Variants in CNTNAP2 observed in about 807,000 individuals in gnomAD.
CNTNAP2 encodes the protein contactin associated protein 2.
Under a neutral mutation model 155.2 loss-of-function variants are expected in CNTNAP2, and 98 were observed. That is an observed-to-expected ratio of 0.63 (90% CI 0.54 to 0.75). The LOEUF (loss-of-function observed/expected upper bound fraction) is 0.75, where lower values mean the gene tolerates loss of function less well. CNTNAP2 is among the 30% of genes least tolerant of loss of function. The pLI is 0.00. For synonymous variants in CNTNAP2, 651 were observed against 631.2 expected, an observed-to-expected ratio of 1.03 and a Z score of -0.47; for missense variants, 1,727 against 1,688.1, an observed-to-expected ratio of 1.02 and a Z score of -0.40.
At chr7:146,520,694 C>T (rs897567401) in intron 1 of CNTNAP2, among the ~76,000 whole-genome samples, 2 of 151,744 alleles carry the variant, frequency 1.3e-5, no homozygotes, top group African/African-American at 4.8e-5. Flanking sequence ...AGATATAGTA[C>T]ATTACAAAAA....
Position 147,003,535 on chromosome 7 carries a change from G to A in CNTNAP2, c.403-40372G>A, listed in dbSNP as rs563473744. On this transcript the variant is annotated intron_variant, in intron 3 of 23. Transcript: ENST00000361727. ...AATGGGGAATAGAGGAAATAACAAC[G>A]TAAGAGTTAAAATCTCAACTAAAAT... Among the ~76,000 whole-genome samples, 7 of 151,708 alleles carry A rather than the reference G, an allele frequency of 4.6e-5. No homozygotes were observed. The South Asian group carries it at 1.5e-3, about 32-fold the overall frequency.
At chr7:147,957,118 A>C (rs565008523) in intron 14 of CNTNAP2, among the ~76,000 whole-genome samples, 14 of 152,322 alleles carry the variant, frequency 9.2e-5, no homozygotes, top group African/African-American at 3.4e-4. Flanking sequence ...GAGACAGGGG[A>C]AAAAGTCTGT....
At chr7:146,188,394 G>A (rs1175893805) in intron 1 of CNTNAP2, among the ~76,000 whole-genome samples, 1 of 152,178 alleles carries the variant, frequency 6.6e-6, no homozygotes, top group African/African-American at 2.4e-5. Context: ...TTACTTTTCA[G>A]ATGGAGAAAC....
At chr7:146,780,895 G>A (rs574083085) in intron 2 of CNTNAP2, among the ~76,000 whole-genome samples, 10 of 152,034 alleles carry the variant, frequency 6.6e-5, no homozygotes, top group African/African-American at 2.4e-4. Flanking sequence ...AGGAGAAGGA[G>A]AGCATTAGGA....
At chr7:147,926,674 T>C (rs142414879) in intron 14 of CNTNAP2, among the ~76,000 whole-genome samples, 1 of 152,268 alleles carries the variant, frequency 6.6e-6, no homozygotes, top group East Asian at 1.9e-4. Flanking sequence ...TGAACCAAAG[T>C]TTATCTTATA....
At chr7:147,875,096 C>T (rs905856932) in intron 13 of CNTNAP2, among the ~76,000 whole-genome samples, 1 of 152,192 alleles carries the variant, frequency 6.6e-6, no homozygotes, top group African/African-American at 2.4e-5. Context: ...CCAAACTGTT[C>T]CAACCTCTGC....
intron 1 of CNTNAP2, among the ~76,000 whole-genome samples, chr7:146,534,701 A>C (rs373945003): frequency 6.6e-6 from 1 of 151,844 alleles, no homozygotes; most frequent in Non-Finnish European, 1.5e-5. Flanking sequence ...TTTCAGTCCT[A>C]CTCTTAACTT....
chr7:146,311,346 T>C (rs1053765589), intron 1 of CNTNAP2, among the ~76,000 whole-genome samples: 1 of 152,254 alleles, frequency 6.6e-6, no homozygotes, highest in South Asian at 2.1e-4. Context: ...AACAAGTGAC[T>C]TGTTCATTTC....
At chr7:147,810,072 T>C (rs1798156150) in intron 13 of CNTNAP2, among the ~76,000 whole-genome samples, 1 of 152,214 alleles carries the variant, frequency 6.6e-6, no homozygotes, top group East Asian at 1.9e-4. Context: ...TAAACGTGGA[T>C]GTTGGAAAGT....
intron 17 of CNTNAP2, among the ~76,000 whole-genome samples, chr7:148,165,538 T>A (rs192470630): frequency 6.6e-6 from 1 of 152,274 alleles, no homozygotes; most frequent in East Asian, 1.9e-4. Flanking sequence ...ATAGCAATAA[T>A]CGTAACAGCT....
At chr7:146,148,949 A>T (rs554238837) in intron 1 of CNTNAP2, among the ~76,000 whole-genome samples, 1 of 148,908 alleles carries the variant, frequency 6.7e-6, no homozygotes, top group Admixed American at 6.7e-5. Flanking sequence ...TACTCCATAT[A>T]TGTCAAAGAC....
chr7:146,740,321 A>G (rs1332397457), intron 1 of CNTNAP2, among the ~76,000 whole-genome samples: 3 of 147,964 alleles, frequency 2.0e-5, no homozygotes, highest in Admixed American at 2.0e-4. Flanking sequence ...CCTCTAATGA[A>G]TTTCTCATTT....
chr7:146,900,192 T>A (rs1269521976), intron 3 of CNTNAP2, among the ~76,000 whole-genome samples: 1 of 152,238 alleles, frequency 6.6e-6, no homozygotes, highest in Non-Finnish European at 1.5e-5. Context: ...AGGAGCTTCC[T>A]GGCCATCGGG....
chr7:146,277,451 T>C (rs1383970795), intron 1 of CNTNAP2, among the ~76,000 whole-genome samples: 1 of 152,028 alleles, frequency 6.6e-6, no homozygotes, highest in Non-Finnish European at 1.5e-5. Flanking sequence ...AATAACACAG[T>C]CTGGAGGAAA....
rs74891609 is a variant in CNTNAP2 at position 148,133,179 on chromosome 7, A to G, written c.2555-14312A>G. ...CATATGACAGTCTGATATGCATGCT[A>G]TGGTCGGTCACGGTGGCTCACGCCT... On this transcript the variant is annotated intron_variant, in intron 16 of 23. Transcript: ENST00000361727. Among the ~76,000 whole-genome samples, 569 of 152,150 alleles carry G rather than the reference A, an allele frequency of 3.7e-3. 18 individuals are homozygous for G. In the East Asian group the frequency reaches 0.084, roughly 22 times the overall value.
chr7:146,776,959 G>T (rs1170284996), intron 2 of CNTNAP2, among the ~76,000 whole-genome samples: 1 of 152,068 alleles, frequency 6.6e-6, no homozygotes, highest in African/African-American at 2.4e-5. Flanking sequence ...GTAGTTTGTA[G>T]AATATATATT....
chr7:148,400,148 G>A (rs1799551403), intron 22 of CNTNAP2, among the ~76,000 whole-genome samples: 1 of 152,176 alleles, frequency 6.6e-6, no homozygotes, highest in Admixed American at 6.5e-5. Flanking sequence ...AAAGCCTAAG[G>A]AGGTTCAGCA....
chr7:147,187,975 C>T (rs1217630596), intron 8 of CNTNAP2, among the ~76,000 whole-genome samples: 1 of 152,030 alleles, frequency 6.6e-6, no homozygotes, highest in Admixed American at 6.6e-5. Flanking sequence ...GTGGGAGGAC[C>T]ATTTAAGCCC....
At chr7:147,212,309 T>C (rs13241146) in intron 8 of CNTNAP2, among the ~76,000 whole-genome samples, 21,434 of 152,112 alleles carry the variant, frequency 0.14, 1,803 homozygotes, top group African/African-American at 0.24. Context: ...CAGCATAGCA[T>C]TGTTCAAAAT....
Sources: allele counts gnomAD v4.1 joint callset (sites outside exome capture counted in the v4.1 genomes callset), GRCh38; gene constraint gnomAD v4.1.1; transcripts MANE v1.5; gene names NCBI Gene and HGNC (gene_info 2026-07-23, HGNC 2026-07-21).